The following RPH3A variants were observed in gnomAD, a reference collection of about 807,000 sequenced individuals.
The protein encoded by RPH3A is rabphilin 3A.
Under a neutral mutation model 102.2 loss-of-function variants are expected in RPH3A, and 48 were observed. That is an observed-to-expected ratio of 0.47 (90% CI 0.37 to 0.60). RPH3A has a LOEUF of 0.60. Ranked by LOEUF, RPH3A falls within the 20% of genes least tolerant of loss-of-function variation. The probability of loss-of-function intolerance (pLI) is 0.00; values close to 1 mark genes in which losing one functional copy is unlikely to be tolerated. For synonymous variants in RPH3A, 310 were observed against 324.3 expected, an observed-to-expected ratio of 0.96 and a Z score of 0.47; for missense variants, 781 against 910.1, an observed-to-expected ratio of 0.86 and a Z score of 1.83.
rs1347911295 is a variant in RPH3A, at chr12:112,640,136, C to T, written c.-140+64817C>T. Among the ~76,000 whole-genome samples the T allele has an allele frequency of 4.0e-5, 6 of 151,388 alleles. No homozygotes were observed. In the East Asian group the frequency reaches 1.2e-3, roughly 30 times the overall value. Reference sequence around the variant, plus strand: ...AGAAGTTCCAGAACAGCCTGACCAACATGGTGAAACCACGTCTCTACTAAA... The same window carrying T: ...AGAAGTTCCAGAACAGCCTGACCAATATGGTGAAACCACGTCTCTACTAAA... On this transcript the variant is annotated intron_variant, in intron 1 of 21. Coordinates refer to the RPH3A transcript ENST00000543106.
At chr12:112,859,534 A>G (rs2042472173) in intron 5 of RPH3A, among the ~76,000 whole-genome samples, 1 of 152,146 alleles carries the variant, frequency 6.6e-6, no homozygotes, top group African/African-American at 2.4e-5. Flanking sequence ...TTCCTTCCTG[A>G]TGTATATATA....
chr12:112,766,120 A>G (rs1177638610), intron 1 of RPH3A, among the ~76,000 whole-genome samples: 1 of 152,204 alleles, frequency 6.6e-6, no homozygotes, highest in Non-Finnish European at 1.5e-5. Context: ...GAGGCAGATC[A>G]TCTAGAAGAT....
intron 17 of RPH3A, among the ~76,000 whole-genome samples, chr12:112,889,399 G>A (rs1384219668): frequency 1.3e-5 from 2 of 152,218 alleles, no homozygotes; most frequent in Non-Finnish European, 2.9e-5. Context: ...ACACCCAGAG[G>A]GCTGCAGCAG....
At chr12:112,726,675 C>T (rs2040593022) in intron 1 of RPH3A, among the ~76,000 whole-genome samples, 1 of 152,148 alleles carries the variant, frequency 6.6e-6, no homozygotes, top group Admixed American at 6.5e-5. Context: ...AAAGCAAACC[C>T]AGATATTTGC....
chr12:112,653,408 C>G (rs1190925460), intron 1 of RPH3A, among the ~76,000 whole-genome samples: 1 of 151,088 alleles, frequency 6.6e-6, no homozygotes, highest in Non-Finnish European at 1.5e-5. Flanking sequence ...AATTGTACAC[C>G]TGTATAGAGA....
At chr12:112,724,998 C>T (rs781048109) in intron 1 of RPH3A, among the ~76,000 whole-genome samples, 6 of 148,026 alleles carry the variant, frequency 4.1e-5, no homozygotes, top group Non-Finnish European at 7.5e-5. Flanking sequence ...CCTGTAATCC[C>T]GGCACTTTGG....
At chr12:112,896,591 T>A in intron 21 of RPH3A, 59 bp from the exon 22 acceptor site, 1 of 1,598,522 alleles carries the variant, frequency 6.3e-7, no homozygotes, top group Non-Finnish European at 8.5e-7. Flanking sequence ...ACTACACATT[T>A]GGGTCTAGAA....
At chr12:112,771,045 A>G (rs1455019339) in intron 1 of RPH3A, among the ~76,000 whole-genome samples, 2 of 152,216 alleles carry the variant, frequency 1.3e-5, no homozygotes, top group South Asian at 2.1e-4. Flanking sequence ...GTGGTTGCAA[A>G]TTAAAGGAGT....
intron 1 of RPH3A, among the ~76,000 whole-genome samples, chr12:112,625,651 C>A (rs2039764210): frequency 1.0e-5 from 1 of 100,296 alleles, no homozygotes; most frequent in Admixed American, 1.1e-4. Flanking sequence ...TTTATAGATT[C>A]AATGCCATCC....
chr12:112,580,658 G>A (rs1328108213), intron 1 of RPH3A, among the ~76,000 whole-genome samples: 6 of 151,884 alleles, frequency 4.0e-5, no homozygotes, highest in African/African-American at 1.5e-4. Flanking sequence ...CGCCCGCCTC[G>A]GCCTCCCAAA....
chr12:112,696,233 T>A (rs1293620857), intron 1 of RPH3A, among the ~76,000 whole-genome samples: 1 of 152,224 alleles, frequency 6.6e-6, no homozygotes, highest in Non-Finnish European at 1.5e-5. Flanking sequence ...ATCCACTCGT[T>A]GGTTGATGGA....
intron 1 of RPH3A, among the ~76,000 whole-genome samples, chr12:112,720,984 C>T (rs190614107): frequency 6.6e-5 from 10 of 152,278 alleles, no homozygotes; most frequent in Admixed American, 5.9e-4. Flanking sequence ...TTTGCTCCTC[C>T]ATTTACTAAT....
intron 3 of RPH3A, among the ~76,000 whole-genome samples, chr12:112,835,837 G>A (rs770344540): frequency 6.7e-6 from 1 of 148,592 alleles, no homozygotes; most frequent in Non-Finnish European, 1.5e-5. Flanking sequence ...AAATGAATGC[G>A]TTTTCTTCTT....
At chr12:112,878,135 G>A (rs2042840315) in intron 13 of RPH3A, among the ~76,000 whole-genome samples, 1 of 152,182 alleles carries the variant, frequency 6.6e-6, no homozygotes, top group Non-Finnish European at 1.5e-5. Flanking sequence ...TGGGTCTGCG[G>A]TCTCAGGAGA....
At chr12:112,870,371 A>G (rs2042688549) in intron 10 of RPH3A, among the ~76,000 whole-genome samples, 3 of 150,006 alleles carry the variant, frequency 2.0e-5, no homozygotes, top group Admixed American at 6.6e-5. Flanking sequence ...CAAAGTAAGG[A>G]TGCTTCACTC....
chr12:112,674,281 A>G (rs900935751), intron 1 of RPH3A, among the ~76,000 whole-genome samples: 3 of 152,040 alleles, frequency 2.0e-5, no homozygotes, highest in African/African-American at 7.2e-5. Context: ...TGGCATTTTT[A>G]TATAGCAACT....
At chr12:112,732,428 A>G (rs2040641042) in intron 1 of RPH3A, among the ~76,000 whole-genome samples, 1 of 152,206 alleles carries the variant, frequency 6.6e-6, no homozygotes, top group Non-Finnish European at 1.5e-5. Context: ...TGGGATTAAT[A>G]ATTCCTACTT....
intron 1 of RPH3A, among the ~76,000 whole-genome samples, chr12:112,755,005 C>A (rs1422980168): frequency 1.3e-5 from 2 of 152,228 alleles, no homozygotes; most frequent in African/African-American, 2.4e-5. Context: ...TGTTTTCTCC[C>A]TCAAGGTAGT....
intron 16 of RPH3A, among the ~76,000 whole-genome samples, chr12:112,886,349 G>A (rs1346059886): frequency 1.3e-5 from 2 of 152,036 alleles, no homozygotes; most frequent in African/African-American, 2.4e-5. Context: ...CATGAACTGG[G>A]GTAGGGAGAA....
Sources: allele counts gnomAD v4.1 joint callset (sites outside exome capture counted in the v4.1 genomes callset), GRCh38; gene constraint gnomAD v4.1.1; transcripts MANE v1.5; gene names NCBI Gene and HGNC (gene_info 2026-07-23, HGNC 2026-07-21).